Variants in ZNF385B observed in about 807,000 individuals in gnomAD.
ZNF385B encodes zinc finger protein 385B.
In ZNF385B, 23 loss-of-function variants were observed where a neutral mutation model predicts 39.2. The ratio of observed to expected loss-of-function variants is 0.59; its 90% CI spans 0.42 to 0.83. The LOEUF is 0.83. Among genes scored for constraint, ZNF385B ranks in the 40% least tolerant of loss-of-function variants. The pLI, the probability that ZNF385B is intolerant of heterozygous loss-of-function variation, is 0.00. For missense variants in ZNF385B, 552 were observed against 598.9 expected (o/e 0.92, Z 0.82); for synonymous variants, 205 against 222.6 (o/e 0.92, Z 0.70).
chr2:179,782,688 T>C (rs1042476409), intron 1 of ZNF385B, among the ~76,000 whole-genome samples: 1 of 152,022 alleles, frequency 6.6e-6, no homozygotes, highest in African/African-American at 2.4e-5. Flanking sequence ...ACACCAATAA[T>C]AGCCAAATTG....
At chr2:179,666,045 T>C (rs968701742) in intron 3 of ZNF385B, among the ~76,000 whole-genome samples, 3 of 152,164 alleles carry the variant, frequency 2.0e-5, no homozygotes, top group Admixed American at 2.0e-4. Flanking sequence ...CCATGAAACT[T>C]TGTACAAGTC....
At chr2:179,742,877 T>C (rs1324240749) in intron 3 of ZNF385B, among the ~76,000 whole-genome samples, 1 of 152,050 alleles carries the variant, frequency 6.6e-6, no homozygotes, top group Non-Finnish European at 1.5e-5. Flanking sequence ...TTCAAGATGC[T>C]ATACCTTAAT....
At chr2:179,857,379 T>C (rs1363783682) in intron 1 of ZNF385B, among the ~76,000 whole-genome samples, 2 of 152,150 alleles carry the variant, frequency 1.3e-5, no homozygotes, top group Admixed American at 6.5e-5. Context: ...TGACTCGTAG[T>C]CCACACGGAA....
chr2:179,596,640 T>A (rs562636252), intron 3 of ZNF385B, among the ~76,000 whole-genome samples: 2 of 152,352 alleles, frequency 1.3e-5, no homozygotes, highest in East Asian at 3.9e-4. Context: ...CAAACACTAA[T>A]CTTTTGATCT....
At chr2:179,793,651 G>A (rs942353225) in intron 1 of ZNF385B, among the ~76,000 whole-genome samples, 22 of 152,222 alleles carry the variant, frequency 1.4e-4, no homozygotes, top group African/African-American at 3.6e-4. Flanking sequence ...GGAACTGTGA[G>A]TCAATTAAAC....
chr2:179,720,500 G>C (rs1168176823), intron 3 of ZNF385B, among the ~76,000 whole-genome samples: 5 of 124,744 alleles, frequency 4.0e-5, no homozygotes, highest in African/African-American at 1.2e-4. Flanking sequence ...AGAAGGAGGG[G>C]AGGGGAAGAA....
intron 3 of ZNF385B, among the ~76,000 whole-genome samples, chr2:179,587,065 A>G (rs1010464530): frequency 1.3e-5 from 2 of 150,808 alleles, no homozygotes; most frequent in Non-Finnish European, 3.0e-5. Context: ...AAAATTATGT[A>G]TAATTTTACT....
chr2:179,502,355 T>C (rs2056842749), intron 5 of ZNF385B, among the ~76,000 whole-genome samples: 1 of 152,140 alleles, frequency 6.6e-6, no homozygotes, highest in Non-Finnish European at 1.5e-5. Context: ...AGGAATAATA[T>C]GGTTTGGCTC....
At chr2:179,521,353 G>GTTTTTTTTTTTTTTTTT (rs56392185) in intron 4 of ZNF385B, among the ~76,000 whole-genome samples, 61 of 108,148 alleles carry the variant, frequency 5.6e-4, no homozygotes, top group Non-Finnish European at 6.0e-4. Flanking sequence ...CACCTGGCCA[G>GTTTTTTTTTTTTTTTTT]TTTTTTTTTT....
At chr2:179,745,097 T>C (rs139686035) in intron 3 of ZNF385B, among the ~76,000 whole-genome samples, 2 of 152,182 alleles carry the variant, frequency 1.3e-5, no homozygotes, top group African/African-American at 4.8e-5. Context: ...ACACACTTCA[T>C]GAAGAAATAC....
At chr2:179,493,163 C>T (rs1461269410) in intron 5 of ZNF385B, among the ~76,000 whole-genome samples, 2 of 151,918 alleles carry the variant, frequency 1.3e-5, no homozygotes, top group African/African-American at 4.8e-5. Context: ...TATATGATAT[C>T]ATCAATGTGA....
At chr2:179,482,910 C>T (rs1358505582) in intron 6 of ZNF385B, among the ~76,000 whole-genome samples, 2 of 151,926 alleles carry the variant, frequency 1.3e-5, no homozygotes. Context: ...TAGTAAAAAA[C>T]ACACATAAAA....
chr2:179,854,191 A>C (rs1400120598), intron 1 of ZNF385B, among the ~76,000 whole-genome samples: 5 of 152,070 alleles, frequency 3.3e-5, no homozygotes, highest in African/African-American at 1.2e-4. Flanking sequence ...CAAAGTATCA[A>C]ATCTAAGGAA....
intron 3 of ZNF385B, among the ~76,000 whole-genome samples, chr2:179,670,241 G>A (rs1695760947): frequency 6.8e-6 from 1 of 146,692 alleles, no homozygotes; most frequent in East Asian, 2.0e-4. Context: ...GCAGTGGGCC[G>A]AGATTGCGCC....
intron 5 of ZNF385B, among the ~76,000 whole-genome samples, chr2:179,487,688 A>C (rs1227594609): frequency 7.2e-5 from 11 of 152,328 alleles, no homozygotes; most frequent in Middle Eastern, 3.4e-3. Flanking sequence ...CCCAATGAGT[A>C]ATTAGCAGAC....
intron 3 of ZNF385B, among the ~76,000 whole-genome samples, chr2:179,578,692 T>C (rs1324679369): frequency 1.3e-5 from 2 of 152,038 alleles, no homozygotes; most frequent in African/African-American, 2.4e-5. Flanking sequence ...AAACAGTTCT[T>C]TTGCCTTTTA....
intron 6 of ZNF385B, among the ~76,000 whole-genome samples, chr2:179,478,431 T>A (rs2053654333): frequency 6.6e-6 from 1 of 152,224 alleles, no homozygotes; most frequent in African/African-American, 2.4e-5. Flanking sequence ...TTCAGCCCTA[T>A]CCATCAAAGG....
intron 5 of ZNF385B, among the ~76,000 whole-genome samples, chr2:179,490,688 G>T (rs887724138): frequency 1.3e-5 from 2 of 151,442 alleles, no homozygotes; most frequent in Non-Finnish European, 2.9e-5. Flanking sequence ...ATAAAATTTT[G>T]TCTCATTTTC....
At chr2:179,759,511 T>C (rs916538741) in intron 3 of ZNF385B, among the ~76,000 whole-genome samples, 9 of 152,206 alleles carry the variant, frequency 5.9e-5, no homozygotes, top group African/African-American at 1.9e-4. Flanking sequence ...GGGATCTTCC[T>C]CTTTTCCCCC....
Sources: gnomAD v4.1 joint callset for allele counts (sites outside exome capture counted in the v4.1 genomes callset) on GRCh38, gnomAD v4.1.1 for gene constraint, MANE v1.5 for transcripts, NCBI Gene and HGNC (gene_info 2026-07-23, HGNC 2026-07-21) for gene names.